The following AK5 variants were observed in gnomAD, a reference collection of about 807,000 sequenced individuals.
The protein encoded by AK5 is adenylate kinase isoenzyme 5.
A neutral mutation model predicts 69.5 loss-of-function variants in AK5; 27 were observed. The observed-to-expected ratio is 0.39, with a 90% CI of 0.29 to 0.54. The LOEUF (loss-of-function observed/expected upper bound fraction) is 0.54, where lower values mean the gene tolerates loss of function less well. Among genes scored for constraint, AK5 ranks in the 20% least tolerant of loss-of-function variants. The probability of loss-of-function intolerance (pLI) is 0.71; values close to 1 mark genes in which losing one functional copy is unlikely to be tolerated. For synonymous variants in AK5, 260 were observed against 244.4 expected, an observed-to-expected ratio of 1.06 and a Z score of -0.60; for missense variants, 531 against 700.4, an observed-to-expected ratio of 0.76 and a Z score of 2.73.
chr1:77,410,338 C>T (rs368365565), intron 6 of AK5, among the ~76,000 whole-genome samples: 2 of 151,958 alleles, frequency 1.3e-5, no homozygotes, highest in South Asian at 2.1e-4. Flanking sequence ...AGTACAGCAG[C>T]GCCATCTTGG....
In AK5 at chr1:77,307,176, G is replaced by A. The variant is rs1244920058; in HGVS notation, c.699+9229G>A. Among the ~76,000 whole-genome samples the A allele has an allele frequency of 3.3e-5, 5 of 151,176 alleles. No individual in the cohort carries two copies. In the East Asian group the frequency reaches 5.8e-4, roughly 18 times the overall value. On this transcript the variant is annotated intron_variant, in intron 5 of 13. Coordinates refer to ENST00000354567, the MANE Select transcript of AK5 (RefSeq NM_174858.3). ...TTGCTTTTGCTTTTTTAAAATTCAG[G>A]ATGCATCTTTAGATTATTTATTTGA...
At chr1:77,335,986 G>A (rs1661336335) in intron 5 of AK5, among the ~76,000 whole-genome samples, 3 of 152,024 alleles carry the variant, frequency 2.0e-5, no homozygotes, top group African/African-American at 7.2e-5. Flanking sequence ...TATCTTATGA[G>A]GGCACCAATC....
chr1:77,306,484 G>GT (rs1553129847), intron 5 of AK5, among the ~76,000 whole-genome samples: 6,908 of 134,020 alleles, frequency 0.052, 313 homozygotes, highest in South Asian at 0.18. Context: ...AATTTGCTAG[G>GT]TTTTTTTTTG....
intron 8 of AK5, among the ~76,000 whole-genome samples, chr1:77,458,191 C>T (rs949541417): frequency 6.6e-6 from 1 of 151,968 alleles, no homozygotes; most frequent in Non-Finnish European, 1.5e-5. Flanking sequence ...ATTTCCTTGC[C>T]CTTTTCAGCT....
chr1:77,369,298 C>G (rs1262796836), intron 6 of AK5, among the ~76,000 whole-genome samples: 2 of 152,142 alleles, frequency 1.3e-5, no homozygotes, highest in Non-Finnish European at 2.9e-5. Context: ...CCCCAGTCCA[C>G]AAGCTCAAAA....
chr1:77,531,698 T>G (rs1226550022), intron 12 of AK5, among the ~76,000 whole-genome samples: 1 of 152,188 alleles, frequency 6.6e-6, no homozygotes, highest in Non-Finnish European at 1.5e-5. Context: ...CCCAGCTGGC[T>G]TCACCCAGTG....
intron 13 of AK5, among the ~76,000 whole-genome samples, chr1:77,537,624 G>A (rs1470624432): frequency 2.0e-5 from 3 of 152,100 alleles, no homozygotes; most frequent in African/African-American, 7.2e-5. Flanking sequence ...GGGATCTCTT[G>A]CTGTTCACAG....
At chr1:77,459,483 C>G (rs1452680674) in intron 8 of AK5, among the ~76,000 whole-genome samples, 4 of 152,146 alleles carry the variant, frequency 2.6e-5, no homozygotes, top group Non-Finnish European at 5.9e-5. Context: ...TCTGCTTAAC[C>G]CAGTGGTTCT....
rs1331079075 is a variant in AK5, at chr1:77,521,851, G to A, written c.1336G>A (p.Glu446Lys). The change falls in exon 12 of 14, where the codon GAG becomes AAG. Residue 446 changes from glutamate (E) to lysine (K), a missense_variant. Transcript: ENST00000354567. ...GGGCATCGTTTTGGAGCTCCTGAAG[G>A]AGGCCATGGTGGCCAGCCTCGGGGA... is the stretch of plus-strand genomic sequence containing the variant. ...PSGIVLELLKEAMVASLGDTR... is the reference protein window; with the variant it reads ...PSGIVLELLKKAMVASLGDTR... The A allele has an allele frequency of 3.1e-6, 5 of 1,613,496 alleles. No individual in the cohort carries two copies. In the South Asian group the frequency reaches 3.3e-5, roughly 11 times the overall value.
intron 13 of AK5, among the ~76,000 whole-genome samples, chr1:77,550,122 T>A (rs1016219082): frequency 6.6e-6 from 1 of 152,146 alleles, no homozygotes; most frequent in Non-Finnish European, 1.5e-5. Flanking sequence ...TAGCTAATTT[T>A]TTTATTTTTG....
chr1:77,340,232 C>A (rs1042705443), intron 5 of AK5, 145 bp from the exon 6 acceptor site: 3 of 712,072 alleles, frequency 4.2e-6, no homozygotes, highest in African/African-American at 1.8e-5. Flanking sequence ...TTGGGTAGAG[C>A]AGCAGCCCTG....
rs1659676389 is a variant in AK5 at position 77,306,950 on chromosome 1, C to T, written c.699+9003C>T. Among the ~76,000 whole-genome samples, 9 of 152,130 alleles carry T rather than the reference C, an allele frequency of 5.9e-5. No homozygotes were observed. In the South Asian group the frequency reaches 1.9e-3, roughly 32 times the overall value. On this transcript the variant is annotated intron_variant, in intron 5 of 13. Coordinates refer to ENST00000354567, the MANE Select transcript of AK5 (RefSeq NM_174858.3). ...AGTTGTAATGTCTTCATTTTCATTTCCAATTTTATTTATTTGGATCTTGTC... is the reference window on the plus strand; with the variant it reads ...AGTTGTAATGTCTTCATTTTCATTTTCAATTTTATTTATTTGGATCTTGTC...
intron 10 of AK5, among the ~76,000 whole-genome samples, chr1:77,487,775 C>T (rs6684022): frequency 0.75 from 113,524 of 152,132 alleles, 43,263 homozygotes; most frequent in East Asian, 1. Flanking sequence ...TCCTCTGCCA[C>T]TCAGTTGTGT....
intron 5 of AK5, among the ~76,000 whole-genome samples, chr1:77,330,000 G>A (rs1157936686): frequency 2.0e-5 from 3 of 152,180 alleles, no homozygotes; most frequent in Non-Finnish European, 4.4e-5. Context: ...GCAGCAGACA[G>A]AAAGAAAGAT....
intron 5 of AK5, among the ~76,000 whole-genome samples, chr1:77,306,680 GTTC>G (rs917969123): frequency 2.0e-4 from 30 of 152,028 alleles, no homozygotes; most frequent in African/African-American, 6.5e-4. Context: ...ATTGGTAGTA[GTTC>G]TTCTTTAAAT....
intron 6 of AK5, among the ~76,000 whole-genome samples, chr1:77,367,911 A>T (rs74810001): frequency 0.063 from 736 of 11,654 alleles, 84 homozygotes; most frequent in African/African-American, 0.079. Flanking sequence ...TTATATATAA[A>T]ATATATGTGA....
At chr1:77,404,431 A>T (rs992823994) in intron 6 of AK5, among the ~76,000 whole-genome samples, 4 of 151,968 alleles carry the variant, frequency 2.6e-5, no homozygotes, top group Non-Finnish European at 5.9e-5. Context: ...GTTTATGAAA[A>T]ACAAGTGAGA....
At chr1:77,350,726 A>G (rs1048351831) in intron 6 of AK5, among the ~76,000 whole-genome samples, 3 of 152,204 alleles carry the variant, frequency 2.0e-5, no homozygotes, top group Admixed American at 2.0e-4. Context: ...TAGGCGTAAC[A>G]TACATTTTCC....
At chr1:77,375,423 C>T (rs1039436110) in intron 6 of AK5, among the ~76,000 whole-genome samples, 2 of 152,128 alleles carry the variant, frequency 1.3e-5, no homozygotes, top group Non-Finnish European at 2.9e-5. Flanking sequence ...GATCTGCCAT[C>T]CCAGGCCTAA....
Sources: allele counts gnomAD v4.1 joint callset (sites outside exome capture counted in the v4.1 genomes callset), GRCh38; gene constraint gnomAD v4.1.1; transcripts MANE v1.5; gene names NCBI Gene and HGNC (gene_info 2026-07-23, HGNC 2026-07-21).